The following BCO1 variants were observed in gnomAD, a reference collection of about 807,000 sequenced individuals.
BCO1 encodes beta-carotene oxygenase 1, also known as beta,beta-carotene 15,15'-dioxygenase.
A neutral mutation model predicts 56.3 loss-of-function variants in BCO1; 54 were observed. The ratio of observed to expected loss-of-function variants is 0.96; its 90% CI spans 0.77 to 1.20. The LOEUF (loss-of-function observed/expected upper bound fraction) is 1.20. Among genes scored for constraint, BCO1 ranks in the 50% most tolerant of loss-of-function variants. BCO1 has a pLI of 0.00. For synonymous variants in BCO1, 318 were observed against 266.1 expected (o/e 1.20, Z -1.90); for missense variants, 801 against 690.9 (o/e 1.16, Z -1.79).
In BCO1 at chr16:81,278,362, C is replaced by T. The variant is rs555320360; in HGVS notation, c.1102-2495C>T. ...CAGCTAAATGTTTCTAAGAAGCCAC[C>T]GATGTGCCAGGTGCTGGGCTCCTTT... On this transcript the variant is annotated intron_variant, in intron 7 of 10. Transcript: ENST00000258168. 8.5e-5 allele frequency among the ~76,000 whole-genome samples: 13 copies of T among 152,224 alleles called. No homozygotes were observed. The South Asian group carries it at 1.7e-3, about 19-fold the overall frequency.
At chr16:81,249,507 C>T (rs1466073645) in intron 2 of BCO1, among the ~76,000 whole-genome samples, 1 of 152,130 alleles carries the variant, frequency 6.6e-6, no homozygotes, top group Admixed American at 6.6e-5. Context: ...CTGACCGCCT[C>T]GGCCTCCCAA....
At chr16:81,262,404 G>A (rs537063028) in intron 4 of BCO1, 121 bp downstream of exon 4, 29 of 1,028,136 alleles carry the variant, frequency 2.8e-5, no homozygotes, top group South Asian at 2.4e-4. Flanking sequence ...CTCTAACACC[G>A]TTGGATCCCG....
chr16:81,252,351 C>A (rs1393786576), intron 2 of BCO1, among the ~76,000 whole-genome samples: 1 of 152,014 alleles, frequency 6.6e-6, no homozygotes, highest in Non-Finnish European at 1.5e-5. Context: ...CCTCTACCTC[C>A]CAGGCTCAAT....
Position 81,280,871 on chromosome 16 carries a change from C to T in BCO1, c.1116C>T (p.Gly372=). The stretch of plus-strand genomic sequence containing the variant: ...AATTTTTTCAGAATGCAGAAGTGGG[C>T]ACAAATTTAATCAAAGTGGCATCTA... The part of the protein sequence containing the change: ...PLHVDKNAEV[G]TNLIKVASTT... The change falls in exon 8 of 11, where the codon GGC becomes GGT. Residue 372 remains glycine, a synonymous_variant. Transcript: ENST00000258168. 1 of 1,613,406 alleles carries T rather than the reference C, an allele frequency of 6.2e-7. No homozygotes were observed. Among genetic ancestry groups the T allele is most frequent in the South Asian group, 1.1e-5 (1 of 91,052 alleles).
intron 10 of BCO1, among the ~76,000 whole-genome samples, chr16:81,287,890 AT>A (rs1236054327): frequency 1.3e-5 from 2 of 152,136 alleles, no homozygotes; most frequent in Non-Finnish European, 2.9e-5. Context: ...GAGACTCAGT[AT>A]GGAGAGTTTT....
chr16:81,270,149 C>T lies in BCO1; in HGVS notation c.844-10C>T. ...GGTGAGCTGAGCCCTTGATATGTGT[C>T]CTTTTTCAGACTTATATCCACATCA... On this transcript the variant is annotated splice_polypyrimidine_tract_variant and intron_variant, in intron 6 of 10. Transcript: ENST00000258168. The T allele has an allele frequency of 6.2e-7, 1 of 1,614,046 alleles. No individual in the cohort carries two copies. The highest frequency in any genetic ancestry group is 8.5e-7 in the Non-Finnish European group (1 of 1,180,028).
intron 2 of BCO1, among the ~76,000 whole-genome samples, chr16:81,255,780 T>C (rs1405446694): frequency 6.6e-6 from 1 of 151,758 alleles, no homozygotes; most frequent in African/African-American, 2.4e-5. Context: ...GCTGGGATTA[T>C]AGGAGTGAGC....
At chr16:81,268,430 T>A (rs1906970616) in intron 6 of BCO1, among the ~76,000 whole-genome samples, 1 of 152,000 alleles carries the variant, frequency 6.6e-6, no homozygotes, top group Non-Finnish European at 1.5e-5. Flanking sequence ...AAGGAGTGAG[T>A]CCTCAGTCCT....
intron 7 of BCO1, among the ~76,000 whole-genome samples, chr16:81,271,779 T>C (rs1907232455): frequency 6.6e-6 from 1 of 152,182 alleles, no homozygotes; most frequent in South Asian, 2.1e-4. Flanking sequence ...TGAGACAGTC[T>C]CGCTCTGCCG....
intron 2 of BCO1, among the ~76,000 whole-genome samples, chr16:81,249,508 G>A (rs1340106668): frequency 3.9e-5 from 6 of 151,978 alleles, no homozygotes; most frequent in Admixed American, 6.6e-5. Flanking sequence ...TGACCGCCTC[G>A]GCCTCCCAAA....
rs372178214 is a variant in BCO1, at chr16:81,246,379, G to A, written c.193+776G>A. Among the ~76,000 whole-genome samples, 10 of 152,302 alleles carry A rather than the reference G, an allele frequency of 6.6e-5. No individual in the cohort carries two copies. In the East Asian group the frequency reaches 1.5e-3, roughly 23 times the overall value. On this transcript the variant is annotated intron_variant, in intron 2 of 10. Transcript: ENST00000258168. ...CAGGTTCTAGGGATTTGGATGTGGA[G>A]ATATTTGTCAGGGGTGCATTATTCA...
At chr16:81,272,887 G>A (rs374185339) in intron 7 of BCO1, among the ~76,000 whole-genome samples, 1 of 152,196 alleles carries the variant, frequency 6.6e-6, no homozygotes, top group African/African-American at 2.4e-5. Context: ...GCTCAGAGAA[G>A]TTAAGAAATG....
chr16:81,252,983 C>T (rs1204657806), intron 2 of BCO1, among the ~76,000 whole-genome samples: 1 of 152,136 alleles, frequency 6.6e-6, no homozygotes, highest in Non-Finnish European at 1.5e-5. Context: ...GTGGCAGGCA[C>T]CTGTCATGCC....
chr16:81,264,293 T>C (rs1906673253), intron 4 of BCO1, among the ~76,000 whole-genome samples: 1 of 152,190 alleles, frequency 6.6e-6, no homozygotes, highest in Non-Finnish European at 1.5e-5. Flanking sequence ...TGAGGAATCT[T>C]GTTTCCATGT....
chr16:81,270,739 A>C (rs1236836228), intron 7 of BCO1, among the ~76,000 whole-genome samples: 2 of 102,930 alleles, frequency 1.9e-5, no homozygotes, highest in African/African-American at 6.0e-5. Flanking sequence ...TTTTAATCAT[A>C]TTGTACATAA....
intron 7 of BCO1, among the ~76,000 whole-genome samples, chr16:81,271,781 G>A (rs765847176): frequency 1.3e-5 from 2 of 152,190 alleles, no homozygotes; most frequent in Admixed American, 6.5e-5. Flanking sequence ...AGACAGTCTC[G>A]CTCTGCCGCC....
chr16:81,268,073 C>T lies in BCO1; in HGVS notation c.785C>T (p.Thr262Ile). ...PFRLDILKMA[T>I]AYIRRMSWAS... is the part of the protein sequence containing the mutation. ...AGGTTGGATATTCTCAAGATGGCAA[C>T]CGCATACATCCGGAGAATGAGCTGG... Residue 262 changes from threonine (T) to isoleucine (I), a missense_variant, in exon 6 of 11, where the codon ACC (threonine) becomes ATC (isoleucine). Thr to Ile is a moderately conservative substitution (Grantham distance 89, BLOSUM62 -1). Transcript: ENST00000258168. 6.2e-7 allele frequency: 1 copy of T among 1,612,996 alleles called. No homozygotes were observed. The highest frequency in any genetic ancestry group is 1.1e-5 in the South Asian group (1 of 91,080).
intron 7 of BCO1, among the ~76,000 whole-genome samples, chr16:81,272,736 T>C (rs1451969070): frequency 6.6e-6 from 1 of 152,256 alleles, no homozygotes; most frequent in African/African-American, 2.4e-5. Context: ...AATTAAATGT[T>C]GATGGCTTAC....
intron 7 of BCO1, among the ~76,000 whole-genome samples, chr16:81,274,256 AT>A (rs1907412192): frequency 1.6e-5 from 2 of 128,610 alleles, no homozygotes; most frequent in Admixed American, 1.8e-4. Flanking sequence ...TAGCTTGTGT[AT>A]CTTTTTTTTT....
Sources: allele counts gnomAD v4.1 joint callset (sites outside exome capture counted in the v4.1 genomes callset), GRCh38; gene constraint gnomAD v4.1.1; transcripts MANE v1.5; gene names NCBI Gene and HGNC (gene_info 2026-07-23, HGNC 2026-07-21).